The following SPTBN1 variants were observed in gnomAD, a reference collection of about 807,000 sequenced individuals.
SPTBN1 encodes the protein spectrin beta, non-erythrocytic 1, also known as spectrin beta chain, non-erythrocytic 1.
A neutral mutation model predicts 266.4 loss-of-function variants in SPTBN1; 32 were observed. That is an observed-to-expected ratio of 0.12 (90% CI 0.09 to 0.16). The LOEUF is 0.16. Among genes scored for constraint, SPTBN1 ranks in the 10% least tolerant of loss-of-function variants. The pLI is 1.00. For missense variants in SPTBN1, 2,296 were observed against 3,067.1 expected, an observed-to-expected ratio of 0.75 and a Z score of 5.94; for synonymous variants, 1,336 against 1,162.2, an observed-to-expected ratio of 1.15 and a Z score of -3.04.
intron 1 of SPTBN1, chr2:54,516,443 A>G: frequency 6.6e-6 from 1 of 152,202 alleles, no homozygotes; most frequent in East Asian, 1.9e-4. Flanking sequence ...TACAAGATTC[A>G]ATAGTGATGA....
At position 54,670,847 on chromosome 2, in the gene SPTBN1, C is replaced by T. The variant is rs570964794; in HGVS notation, c.*2278C>T. 1.3e-4 allele frequency: 50 copies of T among 398,316 alleles called. No individual in the cohort carries two copies. Among genetic ancestry groups the T allele is most frequent in the Middle Eastern group, 6.3e-4 (1 of 1,588 alleles). 24.7% of individuals were successfully genotyped at this position (398,316 alleles called of 1,614,324 possible). On this transcript the variant is annotated 3_prime_UTR_variant, in exon 36 of 36. Transcript: ENST00000356805. ...CCTGAATGTGGAAGATGATGGGCAGCGAGAGGAGCGTCAGAAGACCCCAGT... is the reference window on the plus strand; with the variant it reads ...CCTGAATGTGGAAGATGATGGGCAGTGAGAGGAGCGTCAGAAGACCCCAGT...
chr2:54,481,608 C>A (rs1668110717), intron 1 of SPTBN1, among the ~76,000 whole-genome samples: 1 of 152,104 alleles, frequency 6.6e-6, no homozygotes, highest in South Asian at 2.1e-4. Context: ...TGAGCCAGAG[C>A]AAATGGATTT....
chr2:54,629,634 G>A lies in SPTBN1; in HGVS notation c.2500G>A (p.Val834Met), dbSNP rs769588174. 1 of 1,613,954 alleles carries A rather than the reference G, an allele frequency of 6.2e-7. No individual in the cohort carries two copies. The highest frequency in any genetic ancestry group is 1.7e-5 in the Admixed American group (1 of 60,036). The change falls in exon 14 of 36, where the codon GTG becomes ATG. Residue 834 changes from valine to methionine, a missense_variant. This residue lies in a region of SPTBN1 where 434 missense variants were observed against 573.9 expected (regional missense o/e 0.76). Coordinates refer to ENST00000356805, the MANE Select transcript of SPTBN1 (RefSeq NM_003128.3). ...GGGCATCGAGGAGCGGTATAAGGAG[G>A]TGGCAGAGCTGACGCGGCTGCGGAA... ...LSGIEERYKEVAELTRLRKQA... is the reference protein window; with the variant it reads ...LSGIEERYKEMAELTRLRKQA...
chr2:54,479,940 C>G (rs2103925749), intron 1 of SPTBN1, among the ~76,000 whole-genome samples: 1 of 152,076 alleles, frequency 6.6e-6, no homozygotes, highest in Non-Finnish European at 1.5e-5. Context: ...AGTGATCTTC[C>G]TGCTTCAGCC....
intron 1 of SPTBN1, among the ~76,000 whole-genome samples, chr2:54,477,965 T>C (rs1049297501): frequency 1.3e-5 from 2 of 152,100 alleles, no homozygotes; most frequent in Admixed American, 6.6e-5. Context: ...TTGGGAGGAT[T>C]TGAGGCAGAG....
Position 54,558,433 on chromosome 2 carries a change from C to T in SPTBN1, c.148+31867C>T. The T allele has an allele frequency of 9.8e-7, 1 of 1,023,978 alleles. No homozygotes were observed. The highest frequency in any genetic ancestry group is 4.3e-5 in the South Asian group (1 of 23,376). The allele number at this position is 1,023,978 out of a possible 1,614,324, so 63.4% of individuals were successfully genotyped here. On this transcript the variant is annotated intron_variant, in intron 2 of 35. Coordinates refer to ENST00000356805, the MANE Select transcript of SPTBN1 (RefSeq NM_003128.3). This position sits in a 1 kb window ranked among gnomAD's most constrained non-coding sequence, Gnocchi z 4.6. ...GCCCGCGAGCTCCCGGGCTCGGCAA[C>T]CGTGGCATGCTTAGGATTGGCCATA...
intron 1 of SPTBN1, among the ~76,000 whole-genome samples, chr2:54,501,255 G>C (rs1251832270): frequency 1.3e-5 from 2 of 152,082 alleles, no homozygotes; most frequent in Admixed American, 1.3e-4. Flanking sequence ...AGCTACCAGA[G>C]GCATGATAAA....
At position 54,568,019 on chromosome 2, in the gene SPTBN1, A is replaced by C. The variant is rs544213251; in HGVS notation, c.149-31073A>C. Reference sequence around the variant, plus strand: ...TACAGCATCTCAGGCCGACCTCCCCACAGACCTCCTAAGTCAGAATCTCGT... The same window carrying C: ...TACAGCATCTCAGGCCGACCTCCCCCCAGACCTCCTAAGTCAGAATCTCGT... On this transcript the variant is annotated intron_variant, in intron 2 of 35. Coordinates refer to ENST00000356805, the MANE Select transcript of SPTBN1 (RefSeq NM_003128.3). 1.4e-4 allele frequency among the ~76,000 whole-genome samples: 22 copies of C among 152,304 alleles called. No homozygotes were observed. In the South Asian group the frequency reaches 4.4e-3, roughly 30 times the overall value.
intron 2 of SPTBN1, among the ~76,000 whole-genome samples, chr2:54,586,216 A>G: frequency 6.6e-6 from 1 of 152,150 alleles, no homozygotes; most frequent in East Asian, 1.9e-4. Context: ...GACAACTGTG[A>G]TTGTGGAGTT....
chr2:54,618,068 T>C lies in SPTBN1; in HGVS notation c.648-10T>C, dbSNP rs1231456428. On this transcript the variant is annotated splice_polypyrimidine_tract_variant and intron_variant, in intron 6 of 35. Coordinates refer to ENST00000356805, the MANE Select transcript of SPTBN1 (RefSeq NM_003128.3). ...TGATTTTTGTTGTGTCCCACTGTTGTTCTGCACAGGCCTGACCTGATAGAT... is the reference window on the plus strand; with the variant it reads ...TGATTTTTGTTGTGTCCCACTGTTGCTCTGCACAGGCCTGACCTGATAGAT... The C allele has an allele frequency of 1.2e-6, 2 of 1,608,180 alleles. No homozygotes were observed. The highest frequency in any genetic ancestry group is 1.7e-6 in the Non-Finnish European group (2 of 1,176,228).
intron 1 of SPTBN1, among the ~76,000 whole-genome samples, chr2:54,516,495 A>G (rs1450546623): frequency 6.6e-6 from 1 of 152,204 alleles, no homozygotes; most frequent in Non-Finnish European, 1.5e-5. Context: ...GACTTGATTG[A>G]GTTGTTTAAC....
At chr2:54,493,001 C>CTTTTTTTT (rs70944171) in intron 1 of SPTBN1, among the ~76,000 whole-genome samples, 3 of 112,896 alleles carry the variant, frequency 2.7e-5, no homozygotes, top group African/African-American at 6.7e-5. Context: ...AATAACATAT[C>CTTTTTTTT]TTTTTTTTTT....
At chr2:54,614,402 G>A (rs1157489975) in intron 4 of SPTBN1, among the ~76,000 whole-genome samples, 2 of 152,038 alleles carry the variant, frequency 1.3e-5, no homozygotes, top group Non-Finnish European at 2.9e-5. Context: ...GTGTGTGTGC[G>A]TGCGTGTGCT....
chr2:54,541,876 A>G (rs1671960873), intron 2 of SPTBN1, among the ~76,000 whole-genome samples: 1 of 152,236 alleles, frequency 6.6e-6, no homozygotes, highest in Non-Finnish European at 1.5e-5. Flanking sequence ...ACACACATTT[A>G]AATTTCACAA....
chr2:54,490,243 T>A (rs1292656427), intron 1 of SPTBN1, among the ~76,000 whole-genome samples: 1 of 152,096 alleles, frequency 6.6e-6, no homozygotes. Context: ...TGCTAACTTT[T>A]GTATTTTTAG....
chr2:54,502,991 A>G (rs2104133680), intron 1 of SPTBN1, among the ~76,000 whole-genome samples: 1 of 152,332 alleles, frequency 6.6e-6, no homozygotes, highest in African/African-American at 2.4e-5. Flanking sequence ...GTCATGAGGA[A>G]AGGAGAACTA....
At chr2:54,475,694 TTCA>T (rs1190947608) in intron 1 of SPTBN1, among the ~76,000 whole-genome samples, 1 of 152,342 alleles carries the variant, frequency 6.6e-6, no homozygotes, top group African/African-American at 2.4e-5. Context: ...ATTTTTTAAA[TTCA>T]TCATTTAGTA....
chr2:54,471,474 GA>G (rs1447493427), intron 1 of SPTBN1, among the ~76,000 whole-genome samples: 1 of 125,692 alleles, frequency 8.0e-6, no homozygotes, highest in Non-Finnish European at 1.7e-5. Flanking sequence ...ATGGTGGTCT[GA>G]TTTTTTTTTT....
intron 1 of SPTBN1, among the ~76,000 whole-genome samples, chr2:54,516,979 G>T (rs998138325): frequency 6.6e-6 from 1 of 152,192 alleles, no homozygotes; most frequent in Non-Finnish European, 1.5e-5. Context: ...GTCATTATCA[G>T]TAGAAAGGAA....
Sources: gnomAD v4.1 joint callset for allele counts (sites outside exome capture counted in the v4.1 genomes callset) on GRCh38, gnomAD v4.1.1 for gene constraint, gnomAD v4.1.1 regional missense constraint, Gnocchi (gnomAD v3.1) non-coding constraint, MANE v1.5 for transcripts, NCBI Gene and HGNC (gene_info 2026-07-23, HGNC 2026-07-21) for gene names.